PCDHA13: variants seen among roughly 807,000 people sequenced by gnomAD.
PCDHA13 encodes the protein protocadherin alpha-13.
PCDHA13 carries 54 observed loss-of-function variants against 64.8 expected under a neutral mutation model. That is an observed-to-expected ratio of 0.83 (90% CI 0.67 to 1.04). The LOEUF is 1.04. Ranked by LOEUF, PCDHA13 falls within the 50% of genes least tolerant of loss-of-function variation. The pLI is 0.00. For synonymous variants in PCDHA13, 587 were observed against 564.4 expected (o/e 1.04, Z -0.57); for missense variants, 1,248 against 1,254.3 (o/e 0.99, Z 0.08).
chr5:140,999,751 G>A (rs1167424188), intron 3 of PCDHA13, among the ~76,000 whole-genome samples: 1 of 152,150 alleles, frequency 6.6e-6, no homozygotes, highest in Non-Finnish European at 1.5e-5. Flanking sequence ...TGGGTTCGCA[G>A]CACATGATGT....
intron 3 of PCDHA13, among the ~76,000 whole-genome samples, chr5:140,987,261 T>C (rs1245588314): frequency 6.6e-6 from 1 of 151,964 alleles, no homozygotes; most frequent in African/African-American, 2.4e-5. Context: ...TTCTCAGGAA[T>C]GGGACCCGGC....
intron 1 of PCDHA13, among the ~76,000 whole-genome samples, chr5:140,888,383 C>T (rs1279773489): frequency 3.9e-5 from 6 of 152,170 alleles, no homozygotes; most frequent in African/African-American, 1.4e-4. Flanking sequence ...CTCTGAGATG[C>T]TGCTAAACAC....
Position 141,010,533 on chromosome 5 carries a change from C to T in PCDHA13, c.*596C>T, listed in dbSNP as rs1466502614. 4 of 390,018 alleles carry T rather than the reference C, an allele frequency of 1.0e-5. No homozygotes were observed. Among genetic ancestry groups the T allele is most frequent in the African/African-American group, 8.2e-5 (4 of 49,000 alleles). 24.2% of individuals were successfully genotyped at this position (390,018 alleles called of 1,614,324 possible). ...TACAACTCAAGAGGTGGCAGCCACCCTCTAGGAGACAAAACTACCCCCACT... is the reference window on the plus strand; with the variant it reads ...TACAACTCAAGAGGTGGCAGCCACCTTCTAGGAGACAAAACTACCCCCACT... On this transcript the variant is annotated 3_prime_UTR_variant, in exon 4 of 4. Transcript: ENST00000289272.
At chr5:141,002,702 G>A (rs2153975030) in intron 3 of PCDHA13, among the ~76,000 whole-genome samples, 1 of 152,294 alleles carries the variant, frequency 6.6e-6, no homozygotes, top group South Asian at 2.1e-4. Context: ...GTTTAACTCT[G>A]TTGCACACAC....
In PCDHA13 at chr5:140,884,035, C is replaced by A. The variant is rs782637499; in HGVS notation, c.1767C>A (p.His589Gln). The A allele has an allele frequency of 6.2e-7, 1 of 1,613,396 alleles. No individual in the cohort carries two copies. The highest frequency in any genetic ancestry group is 1.1e-5 in the South Asian group (1 of 91,048). Reference protein sequence around the residue: ...ELMPRSVGAGHVVAKVRAVDA... With the variant: ...ELMPRSVGAGQVVAKVRAVDA... ...TGCCGCGGTCGGTGGGTGCAGGCCACGTGGTGGCGAAGGTGCGCGCGGTGG... is the reference window on the plus strand; with the variant it reads ...TGCCGCGGTCGGTGGGTGCAGGCCAAGTGGTGGCGAAGGTGCGCGCGGTGG... Residue 589 changes from histidine to glutamine, a missense_variant, in exon 1 of 4, where the codon CAC (histidine) becomes CAA (glutamine). Transcript: ENST00000289272.
At chr5:140,981,019 T>A (rs1396794400) in intron 2 of PCDHA13, among the ~76,000 whole-genome samples, 1 of 152,242 alleles carries the variant, frequency 6.6e-6, no homozygotes, top group East Asian at 1.9e-4. Context: ...ACTTGAAGGC[T>A]GTTAATATTT....
intron 1 of PCDHA13, among the ~76,000 whole-genome samples, chr5:140,898,648 G>A (rs1436511217): frequency 6.6e-6 from 1 of 152,136 alleles, no homozygotes; most frequent in Non-Finnish European, 1.5e-5. Flanking sequence ...TGTTCTTTTG[G>A]CTTAGGATTG....
At chr5:140,917,170 G>A (rs1196393398) in intron 1 of PCDHA13, among the ~76,000 whole-genome samples, 1 of 152,184 alleles carries the variant, frequency 6.6e-6, no homozygotes, top group African/African-American at 2.4e-5. Context: ...AGGGGTGATG[G>A]TGGTGATCCC....
chr5:140,979,004 A>T lies in PCDHA13; in HGVS notation c.2450A>T (p.His817Leu). ...RYSASLRAGM[H>L]SSVHLEEAGI... Reference sequence around the variant, plus strand: ...TCTGCCTCCCTGAGAGCAGGCATGCACAGGTATGTATTTCCCTCCTCATTC... The same window carrying T: ...TCTGCCTCCCTGAGAGCAGGCATGCTCAGGTATGTATTTCCCTCCTCATTC... Residue 817 changes from histidine (H) to leucine (L), a missense_variant, in exon 2 of 4, where the codon CAC becomes CTC. His to Leu is a moderately conservative substitution (Grantham distance 99). Coordinates refer to ENST00000289272, the MANE Select transcript of PCDHA13 (RefSeq NM_018904.3). The T allele has an allele frequency of 6.2e-7, 1 of 1,614,144 alleles. No homozygotes were observed. Among genetic ancestry groups the T allele is most frequent in the South Asian group, 1.1e-5 (1 of 91,052 alleles).
intron 1 of PCDHA13, among the ~76,000 whole-genome samples, chr5:140,976,227 T>C (rs2096706900): frequency 6.6e-6 from 1 of 152,050 alleles, no homozygotes; most frequent in East Asian, 1.9e-4. Context: ...AGAAGAAAAA[T>C]ATATGTCATT....
chr5:140,935,435 A>G (rs1268078110), intron 1 of PCDHA13, among the ~76,000 whole-genome samples: 1 of 152,256 alleles, frequency 6.6e-6, no homozygotes, highest in Non-Finnish European at 1.5e-5. Context: ...TCAGCACTAC[A>G]GAAATAATAT....
At chr5:140,935,080 C>T (rs1163743447) in intron 1 of PCDHA13, among the ~76,000 whole-genome samples, 1 of 152,076 alleles carries the variant, frequency 6.6e-6, no homozygotes, top group Non-Finnish European at 1.5e-5. Flanking sequence ...TGTACATTTC[C>T]TTTCCCAGAA....
intron 1 of PCDHA13, among the ~76,000 whole-genome samples, chr5:140,943,498 A>T (rs2093507311): frequency 6.6e-6 from 1 of 152,164 alleles, no homozygotes; most frequent in Admixed American, 6.6e-5. Flanking sequence ...GATGCTATCA[A>T]GGTTCATGGA....
intron 1 of PCDHA13, among the ~76,000 whole-genome samples, chr5:140,912,343 AT>A (rs35252606): frequency 0.42 from 59,775 of 143,548 alleles, 12,483 homozygotes; most frequent in African/African-American, 0.57. Context: ...TACACTAAGT[AT>A]TTTTTTTTTT....
At chr5:140,891,007 G>A (rs1228475433) in intron 1 of PCDHA13, among the ~76,000 whole-genome samples, 7 of 152,030 alleles carry the variant, frequency 4.6e-5, no homozygotes, top group African/African-American at 7.3e-5. Context: ...TTATTGAAAA[G>A]CATTTTTTCT....
intron 3 of PCDHA13, among the ~76,000 whole-genome samples, chr5:141,000,361 G>GTCTCTC (rs148596731): frequency 3.0e-3 from 79 of 26,442 alleles, no homozygotes; most frequent in East Asian, 6.3e-3. Flanking sequence ...GTCTCTCTCT[G>GTCTCTC]TCTCTCTCTC....
intron 1 of PCDHA13, among the ~76,000 whole-genome samples, chr5:140,902,432 C>T (rs566549203): frequency 1.3e-5 from 2 of 152,128 alleles, no homozygotes; most frequent in African/African-American, 4.8e-5. Flanking sequence ...AAGTGGGCAT[C>T]CTTGTCATAT....
At chr5:140,946,631 T>TATACAC (rs57893927) in intron 1 of PCDHA13, among the ~76,000 whole-genome samples, 2 of 131,842 alleles carry the variant, frequency 1.5e-5, no homozygotes, top group Non-Finnish European at 3.1e-5. Flanking sequence ...TATATATATA[T>TATACAC]ACAATGGAAT....
chr5:140,978,875 T>A, intron 1 of PCDHA13, 74 bp from the exon 2 acceptor site: 2 of 1,609,316 alleles, frequency 1.2e-6, no homozygotes, highest in Non-Finnish European at 1.7e-6. Flanking sequence ...AGGGAGTAAC[T>A]AATCAATTAG....
Sources: allele counts gnomAD v4.1 joint callset (sites outside exome capture counted in the v4.1 genomes callset), GRCh38; gene constraint gnomAD v4.1.1; transcripts MANE v1.5; gene names NCBI Gene and HGNC (gene_info 2026-07-23, HGNC 2026-07-21).